The following LMNTD1 variants were observed in gnomAD, a reference collection of about 807,000 sequenced individuals.
LMNTD1 encodes lamin tail domain-containing protein 1.
A neutral mutation model predicts 50.9 loss-of-function variants in LMNTD1; 35 were observed. The observed-to-expected ratio is 0.69, with a 90% CI of 0.53 to 0.91. The LOEUF (loss-of-function observed/expected upper bound fraction) is 0.91, where lower values mean the gene tolerates loss of function less well. Among genes scored for constraint, LMNTD1 ranks in the 40% least tolerant of loss-of-function variants. The pLI is 0.00. For missense variants in LMNTD1, 470 were observed against 475.5 expected, an observed-to-expected ratio of 0.99 and a Z score of 0.11; for synonymous variants, 153 against 161.9, an observed-to-expected ratio of 0.94 and a Z score of 0.42.
intron 8 of LMNTD1, among the ~76,000 whole-genome samples, chr12:25,517,704 TAAG>T (rs1190892194): frequency 1.7e-4 from 16 of 93,038 alleles, no homozygotes; most frequent in South Asian, 8.5e-4. Flanking sequence ...ACTTAAAGTG[TAAG>T]AATAATAATA....
In LMNTD1 at chr12:25,616,684, C is replaced by T. The variant is rs143975384; in HGVS notation, c.58+31810G>A. The stretch of plus-strand genomic sequence containing the variant: ...ACTGAGTAAAGGGTATGGGGGATCT[C>T]TCTGAGTTATTTCTTAAATTGCATA... On this transcript the variant is annotated intron_variant, in intron 1 of 7. Transcript: ENST00000445693. Among the ~76,000 whole-genome samples the T allele has an allele frequency of 1.5e-3, 225 of 152,224 alleles. 1 individual carries two copies. The highest frequency in any genetic ancestry group is 5.2e-3 in the African/African-American group (218 of 41,552).
At chr12:25,581,224 A>T (rs1945270844) in intron 1 of LMNTD1, among the ~76,000 whole-genome samples, 1 of 152,184 alleles carries the variant, frequency 6.6e-6, no homozygotes, top group Non-Finnish European at 1.5e-5. Context: ...TATACTAGGG[A>T]TAAGCTAAAG....
At chr12:25,531,023 G>A (rs938663415) in intron 4 of LMNTD1, among the ~76,000 whole-genome samples, 1 of 152,190 alleles carries the variant, frequency 6.6e-6, no homozygotes, top group African/African-American at 2.4e-5. Context: ...GTTCTGAGAT[G>A]TAGCGGCCCA....
At chr12:25,605,668 T>C (rs1408794111) in intron 1 of LMNTD1, among the ~76,000 whole-genome samples, 2 of 152,220 alleles carry the variant, frequency 1.3e-5, no homozygotes, top group African/African-American at 4.8e-5. Flanking sequence ...TGTGGCATTA[T>C]TTCTGAGAGC....
At chr12:25,544,367 C>CTGATG (rs3077283) in intron 4 of LMNTD1, among the ~76,000 whole-genome samples, 2 of 150,890 alleles carry the variant, frequency 1.3e-5, no homozygotes, top group Non-Finnish European at 3.0e-5. Flanking sequence ...TCTATTTTAT[C>CTGATG]TAAGTATAGC....
In LMNTD1 at chr12:25,503,809, T is replaced by TA. The variant is rs540645607; in HGVS notation, c.1190-10dup. 9.1e-4 allele frequency: 1,389 copies of TA among 1,518,518 alleles called. 7 individuals are homozygous for TA. In the African/African-American group the frequency reaches 0.011, roughly 12 times the overall value. 94.1% of individuals were successfully genotyped at this position (1,518,518 alleles called of 1,614,324 possible). A position where few individuals can be genotyped will look rare whatever the true frequency, so the allele number is the denominator to read the frequency against. On this transcript the variant is annotated splice_polypyrimidine_tract_variant and intron_variant, in intron 8 of 9. Coordinates refer to ENST00000458174, the MANE Select transcript of LMNTD1 (RefSeq NM_001145728.2). ...CTTCTTTTTCTTAGACCCTGAAAAT[T>TA]AAAAAAAATAATTAAAAAAAGGAGA... is the stretch of plus-strand genomic sequence containing the variant.
At chr12:25,503,368 T>C (rs1004636507) in intron 9 of LMNTD1, among the ~76,000 whole-genome samples, 2 of 152,228 alleles carry the variant, frequency 1.3e-5, no homozygotes, top group Non-Finnish European at 2.9e-5. Context: ...TTCTGTGATG[T>C]AATTAATACT....
At chr12:25,485,017 C>A (rs1404159675) in intron 9 of LMNTD1, among the ~76,000 whole-genome samples, 1 of 152,006 alleles carries the variant, frequency 6.6e-6, no homozygotes, top group East Asian at 1.9e-4. Context: ...TGGGTATATA[C>A]CCAGTAATGG....
intron 1 of LMNTD1, among the ~76,000 whole-genome samples, chr12:25,576,219 CTGGGTCAAA>C (rs1264554063): frequency 2.0e-5 from 3 of 152,172 alleles, no homozygotes; most frequent in Admixed American, 6.5e-5. Flanking sequence ...AATGGGATGG[CTGGGTCAAA>C]TGGTATTTCT....
chr12:25,498,166 A>G (rs1477030013), intron 9 of LMNTD1, among the ~76,000 whole-genome samples: 1 of 152,098 alleles, frequency 6.6e-6, no homozygotes, highest in Admixed American at 6.6e-5. Context: ...GGCATATTTC[A>G]TTTTTTTAAA....
At chr12:25,495,491 C>T (rs1939030858) in intron 9 of LMNTD1, among the ~76,000 whole-genome samples, 1 of 152,048 alleles carries the variant, frequency 6.6e-6, no homozygotes, top group South Asian at 2.1e-4. Flanking sequence ...AGTGCTGTTG[C>T]TAACTTGCAG....
chr12:25,601,855 C>T (rs1945985709), intron 1 of LMNTD1, among the ~76,000 whole-genome samples: 1 of 151,452 alleles, frequency 6.6e-6, no homozygotes, highest in Admixed American at 6.6e-5. Flanking sequence ...ATTTTGATAC[C>T]TGTATGTGTA....
intron 2 of LMNTD1, among the ~76,000 whole-genome samples, chr12:25,552,384 C>T (rs142983068): frequency 0.022 from 3,288 of 151,644 alleles, 52 homozygotes; most frequent in Middle Eastern, 0.058. Context: ...TTTGGGAGGC[C>T]GACGCGGGCA....
upstream of LMNTD1, among the ~76,000 whole-genome samples, chr12:25,554,937 G>A (rs1189146479): frequency 6.6e-6 from 1 of 151,978 alleles, no homozygotes; most frequent in Non-Finnish European, 1.5e-5. Context: ...GTGGTGGCGG[G>A]TGCCTGTAAT....
At chr12:25,520,139 GATATACATATATATATATATATATATAT>G (rs1941192749) in intron 6 of LMNTD1, 64 bp from the exon 7 acceptor site, 2 of 152,426 alleles carry the variant, frequency 1.3e-5, no homozygotes, top group African/African-American at 6.0e-5. Context: ...GCTGTTATGA[GATATACATATATATATATATATATATAT>G]ATATATATAG....
intron 8 of LMNTD1, among the ~76,000 whole-genome samples, chr12:25,514,459 A>G (rs1340577854): frequency 6.6e-6 from 1 of 152,186 alleles, no homozygotes; most frequent in African/African-American, 2.4e-5. Context: ...AAGTAAAACA[A>G]TTGAACTCAT....
At chr12:25,580,552 C>A (rs1444802989) in intron 1 of LMNTD1, among the ~76,000 whole-genome samples, 1 of 152,080 alleles carries the variant, frequency 6.6e-6, no homozygotes, top group Non-Finnish European at 1.5e-5. Flanking sequence ...TAGTTGTACC[C>A]TTATATGTTT....
chr12:25,535,582 A>G (rs1344354968), intron 4 of LMNTD1, among the ~76,000 whole-genome samples: 1 of 152,144 alleles, frequency 6.6e-6, no homozygotes, highest in Non-Finnish European at 1.5e-5. Context: ...ATTTGTGCAG[A>G]GGAGCAAATA....
chr12:25,547,726 CA>C (rs969942358), intron 3 of LMNTD1, among the ~76,000 whole-genome samples: 1 of 151,804 alleles, frequency 6.6e-6, no homozygotes, highest in Non-Finnish European at 1.5e-5. Context: ...TAATATACAG[CA>C]TCTTTCTTAA....
Sources: allele counts gnomAD v4.1 joint callset (sites outside exome capture counted in the v4.1 genomes callset), GRCh38; gene constraint gnomAD v4.1.1; transcripts MANE v1.5; gene names NCBI Gene and HGNC (gene_info 2026-07-23, HGNC 2026-07-21).